The following ITGAE variants were observed in gnomAD, a reference collection of about 807,000 sequenced individuals.
The protein encoded by ITGAE is integrin alpha-E.
Under a neutral mutation model 136.5 loss-of-function variants are expected in ITGAE, and 99 were observed. The observed-to-expected ratio is 0.73, with a 90% CI of 0.62 to 0.86. The LOEUF (loss-of-function observed/expected upper bound fraction) is 0.86, where lower values mean the gene tolerates loss of function less well. Ranked by LOEUF, ITGAE falls within the 40% of genes least tolerant of loss-of-function variation. The pLI, the probability that ITGAE is intolerant of heterozygous loss-of-function variation, is 0.00. For missense variants in ITGAE, 1,447 were observed against 1,515.3 expected, an observed-to-expected ratio of 0.95 and a Z score of 0.75; for synonymous variants, 613 against 591.8, an observed-to-expected ratio of 1.04 and a Z score of -0.52.
At chr17:3,770,129 C>CT (rs1230365702) in intron 2 of ITGAE, among the ~76,000 whole-genome samples, 5 of 101,506 alleles carry the variant, frequency 4.9e-5, no homozygotes, top group South Asian at 6.5e-4. Context: ...TTTTTTTTTT[C>CT]TTTTTTTTGA....
At chr17:3,725,251 C>T (rs778525365) in intron 26 of ITGAE, 8 of 1,614,098 alleles carry the variant, frequency 5.0e-6, no homozygotes, top group East Asian at 2.2e-5. Flanking sequence ...TGGCACTCCT[C>T]CTCTATGTAT....
chr17:3,759,661 C>T (rs1468688451), intron 7 of ITGAE, 108 bp from the exon 8 acceptor site: 1 of 1,355,160 alleles, frequency 7.4e-7, no homozygotes. Context: ...TACCTTATCC[C>T]TGGGCAGAAA....
chr17:3,733,077 G>A (rs912835966), intron 21 of ITGAE, among the ~76,000 whole-genome samples: 5 of 152,056 alleles, frequency 3.3e-5, no homozygotes, highest in South Asian at 2.1e-4. Context: ...TCCACCTCCC[G>A]GGTTCAAGCA....
rs549443965 is a variant in ITGAE at position 3,719,314 on chromosome 17, A to T, written c.3333+993T>A. Among the ~76,000 whole-genome samples, 8 of 151,994 alleles carry T rather than the reference A, an allele frequency of 5.3e-5. No homozygotes were observed. In the South Asian group the frequency reaches 8.3e-4, roughly 16 times the overall value. On this transcript the variant is annotated intron_variant, in intron 29 of 30. Transcript: ENST00000263087. ...AAATAAAAGGAAATGTTATATTGGCATGTCTAGAGAATTGCTCCTTTCTCC... is the reference window on the plus strand; with the variant it reads ...AAATAAAAGGAAATGTTATATTGGCTTGTCTAGAGAATTGCTCCTTTCTCC...
chr17:3,762,844 C>A (rs1201862403), intron 3 of ITGAE, among the ~76,000 whole-genome samples: 1 of 151,562 alleles, frequency 6.6e-6, no homozygotes, highest in Non-Finnish European at 1.5e-5. Flanking sequence ...CATGATCGGC[C>A]CACCTCAGCC....
chr17:3,762,086 A>C lies in ITGAE; in HGVS notation c.248-104T>G, dbSNP rs959284648. On this transcript the variant is annotated intron_variant, in intron 3 of 30. Coordinates refer to ENST00000263087, the MANE Select transcript of ITGAE (RefSeq NM_002208.5). ...GAGCCACCTTGGTCAGGCCCCCATG[A>C]GGAACTGTTGGCCACTCAGAGAAGC... 26 of 904,442 alleles carry C rather than the reference A, an allele frequency of 2.9e-5. No individual in the cohort carries two copies. The African/African-American group carries it at 3.6e-4, about 13-fold the overall frequency. 56.0% of individuals were successfully genotyped at this position (904,442 alleles called of 1,614,324 possible).
chr17:3,792,360 G>A (rs747412121), intron 1 of ITGAE, among the ~76,000 whole-genome samples: 4 of 152,082 alleles, frequency 2.6e-5, no homozygotes, highest in African/African-American at 4.8e-5. Context: ...CAGGTGATCC[G>A]CCCGCCTTGG....
chr17:3,715,651 G>A (rs2050928694), intron 30 of ITGAE, among the ~76,000 whole-genome samples: 1 of 152,148 alleles, frequency 6.6e-6, no homozygotes, highest in Non-Finnish European at 1.5e-5. Flanking sequence ...CCCGGAGTTT[G>A]AGACCAGCCT....
intron 1 of ITGAE, among the ~76,000 whole-genome samples, chr17:3,784,158 G>A (rs936296072): frequency 7.2e-5 from 11 of 152,128 alleles, no homozygotes; most frequent in African/African-American, 2.4e-4. Flanking sequence ...TACTCGGGAG[G>A]TTGAGGCAGG....
intron 4 of ITGAE, 50 bp from the exon 5 acceptor site, chr17:3,761,570 C>T (rs1273811628): frequency 1.3e-6 from 2 of 1,511,628 alleles, no homozygotes; most frequent in East Asian, 2.3e-5. Context: ...CTCCCGATTC[C>T]CGAGCCACAG....
chr17:3,740,858 G>A (rs1037414477), intron 19 of ITGAE, among the ~76,000 whole-genome samples: 3 of 152,126 alleles, frequency 2.0e-5, no homozygotes, highest in South Asian at 2.1e-4. Flanking sequence ...CCAGCTCCTC[G>A]GCTGGAGAGC....
rs1449870677 is a variant in ITGAE, at chr17:3,798,048, C to G, written c.34+3063G>C. 6.6e-6 allele frequency among the ~76,000 whole-genome samples: 1 copy of G among 152,212 alleles called. No homozygotes were observed. Among genetic ancestry groups the G allele is most frequent in the Non-Finnish European group, 1.5e-5 (1 of 68,046 alleles). On this transcript the variant is annotated intron_variant, in intron 1 of 30. Transcript: ENST00000263087. The surrounding 1 kb of genome is among the most constrained non-coding windows in gnomAD (Gnocchi z 4.3). ...CTCTCGGGACTGGATGCCCGCATTC[C>G]TCCACTTATACCACACCTGCCACAC... is the stretch of plus-strand genomic sequence containing the variant.
intron 18 of ITGAE, among the ~76,000 whole-genome samples, chr17:3,744,451 T>C: frequency 1.3e-5 from 2 of 150,224 alleles, no homozygotes. Flanking sequence ...TTTCTCTTTT[T>C]TTTTTTTTTT....
chr17:3,786,453 G>A (rs993302676), intron 1 of ITGAE, among the ~76,000 whole-genome samples: 6 of 152,090 alleles, frequency 3.9e-5, no homozygotes, highest in African/African-American at 1.4e-4. Context: ...ACATTTTTCA[G>A]TCATTTTATG....
chr17:3,762,111 C>G (rs1413352748), intron 3 of ITGAE, 129 bp from the exon 4 acceptor site: 1 of 722,420 alleles, frequency 1.4e-6, no homozygotes, highest in African/African-American at 1.8e-5. Flanking sequence ...CTCAGAGAAG[C>G]CTCTAGAAAG....
chr17:3,756,277 A>G (rs1371917856), intron 10 of ITGAE, among the ~76,000 whole-genome samples: 38 of 122,266 alleles, frequency 3.1e-4, no homozygotes, highest in African/African-American at 1.2e-3. Flanking sequence ...TCTGTTGCTC[A>G]GGCTGGAGTG....
intron 1 of ITGAE, among the ~76,000 whole-genome samples, chr17:3,782,027 A>G (rs914021674): frequency 1.3e-5 from 2 of 151,802 alleles, no homozygotes; most frequent in African/African-American, 4.8e-5. Context: ...TATAATCCCA[A>G]CATTTTGGGA....
intron 15 of ITGAE, 59 bp downstream of exon 15, chr17:3,751,591 T>C: frequency 6.7e-7 from 1 of 1,499,306 alleles, no homozygotes; most frequent in East Asian, 2.3e-5. Context: ...GCTTGGGTCA[T>C]CATATCTGAG....
Position 3,799,059 on chromosome 17 carries a change from A to AG in ITGAE, c.34+2051dup, listed in dbSNP as rs976703074. On this transcript the variant is annotated intron_variant, in intron 1 of 30. Transcript: ENST00000263087. The surrounding 1 kb of genome is among the most constrained non-coding windows in gnomAD (Gnocchi z 4.1). ...GTCCTGGATTCTCTCCAGCCTAAGG[A>AG]GGCCCAACCCGGCACAGGGTACAGG... Among the ~76,000 whole-genome samples the AG allele has an allele frequency of 5.3e-5, 8 of 152,228 alleles. No homozygotes were observed. Among genetic ancestry groups the AG allele is most frequent in the African/African-American group, 1.9e-4 (8 of 41,530 alleles).
Sources: allele counts gnomAD v4.1 joint callset (sites outside exome capture counted in the v4.1 genomes callset), GRCh38; gene constraint gnomAD v4.1.1; non-coding constraint Gnocchi (gnomAD v3.1); transcripts MANE v1.5; gene names NCBI Gene and HGNC (gene_info 2026-07-23, HGNC 2026-07-21).